The following PPP4R3B variants were observed in gnomAD, a reference collection of about 807,000 sequenced individuals.
The protein encoded by PPP4R3B is serine/threonine-protein phosphatase 4 regulatory subunit 3B.
PPP4R3B carries 52 observed loss-of-function variants against 95.4 expected under a neutral mutation model. The observed-to-expected ratio is 0.54, with a 90% CI of 0.44 to 0.69. The LOEUF is 0.69. PPP4R3B is among the 30% of genes least tolerant of loss of function. The probability of loss-of-function intolerance (pLI) is 0.00; values close to 1 mark genes in which losing one functional copy is unlikely to be tolerated. For missense variants in PPP4R3B, 1,003 were observed against 1,005.9 expected, an observed-to-expected ratio of 1.00 and a Z score of 0.04; for synonymous variants, 407 against 343.9, an observed-to-expected ratio of 1.18 and a Z score of -2.03.
chr2:55,592,423 T>C (rs1030858668), intron 4 of PPP4R3B, among the ~76,000 whole-genome samples: 3 of 152,258 alleles, frequency 2.0e-5, no homozygotes, highest in South Asian at 2.1e-4. Context: ...AAAGCTGGAA[T>C]GGGCCAAATC....
In PPP4R3B at chr2:55,598,670, C is replaced by T. The variant is rs1332928889; in HGVS notation, c.667G>A (p.Val223Met). 3 of 1,614,024 alleles carry T rather than the reference C, an allele frequency of 1.9e-6. No individual in the cohort carries two copies. Among genetic ancestry groups the T allele is most frequent in the Non-Finnish European group, 2.5e-6 (3 of 1,180,040 alleles). The change falls in exon 4 of 17, where the codon GTG (valine) becomes ATG (methionine). Residue 223 changes from valine to methionine, a missense_variant. This residue lies in a region of PPP4R3B where 695 missense variants were observed against 686.2 expected (regional missense o/e 1.01). Coordinates refer to ENST00000616407, the MANE Select transcript of PPP4R3B (RefSeq NM_001122964.3). ...GCAGGGTCATATTCAAGGCATCCCA[C>T]GACATCCATGATACACTCATCAGAA... is the stretch of plus-strand genomic sequence containing the variant. The part of the protein sequence containing the change: ...MFSDECIMDV[V>M]GCLEYDPALA...
intron 2 of PPP4R3B, among the ~76,000 whole-genome samples, chr2:55,612,779 C>A (rs535631799): frequency 1.3e-5 from 2 of 151,950 alleles, no homozygotes; most frequent in Non-Finnish European, 2.9e-5. Flanking sequence ...CCCATCTCTA[C>A]TAAAAAATAC....
intron 4 of PPP4R3B, among the ~76,000 whole-genome samples, chr2:55,595,466 A>C (rs1315692982): frequency 6.6e-6 from 1 of 151,888 alleles, no homozygotes; most frequent in Admixed American, 6.6e-5. Flanking sequence ...TCTCTATATA[A>C]AAAATAAAAT....
chr2:55,591,753 A>G (rs555367353), intron 4 of PPP4R3B: 81 of 691,854 alleles, frequency 1.2e-4, no homozygotes, highest in Non-Finnish European at 1.2e-4. Flanking sequence ...TTAAGAGAAT[A>G]TGTATTCCTA....
intron 12 of PPP4R3B, among the ~76,000 whole-genome samples, chr2:55,571,711 C>T (rs952984686): frequency 2.6e-5 from 4 of 152,176 alleles, no homozygotes; most frequent in Admixed American, 6.5e-5. Context: ...CTGCAACCCC[C>T]GTCTCCCGGG....
intron 4 of PPP4R3B, chr2:55,591,678 G>C: frequency 6.1e-6 from 6 of 983,388 alleles, no homozygotes; most frequent in Non-Finnish European, 7.2e-6. Flanking sequence ...TTCGGTACTT[G>C]TGAGCTGATA....
intron 2 of PPP4R3B, chr2:55,615,117 T>C (rs1156541506): frequency 5.6e-5 from 11 of 196,812 alleles, no homozygotes; most frequent in Non-Finnish European, 4.1e-5. Flanking sequence ...GAGTATCCCT[T>C]TGAATTTTGT....
intron 8 of PPP4R3B, 58 bp downstream of exon 8, chr2:55,581,509 A>ACAAAGC: frequency 6.5e-7 from 1 of 1,528,838 alleles, no homozygotes; most frequent in Non-Finnish European, 8.8e-7. Flanking sequence ...AAATCTTATT[A>ACAAAGC]CAAAGCCACC....
intron 2 of PPP4R3B, among the ~76,000 whole-genome samples, chr2:55,609,926 G>A (rs962573679): frequency 6.6e-6 from 1 of 152,160 alleles, no homozygotes; most frequent in Non-Finnish European, 1.5e-5. Context: ...ACAGAATCTG[G>A]CGTGGGAAAG....
Position 55,588,924 on chromosome 2 carries a change from T to C in PPP4R3B, c.954A>G (p.Ala318=). ...CATCTGTAGCCTCATCTGTTAATTG[T>C]GCAAAAACTTCAGACAAAAACTTCT... ...EDEKFLSEVF[A]QLTDEATDDD... is the part of the protein sequence containing the mutation. Residue 318 remains alanine (A), a synonymous_variant, in exon 5 of 17, where the codon GCA becomes GCG. Transcript: ENST00000616407. 6.2e-7 allele frequency: 1 copy of C among 1,610,318 alleles called. No individual in the cohort carries two copies. The highest frequency in any genetic ancestry group is 8.5e-7 in the Non-Finnish European group (1 of 1,177,920).
rs561651997 is a variant in PPP4R3B, at chr2:55,586,150, A to G, written c.1116+468T>C. 3.3e-5 allele frequency among the ~76,000 whole-genome samples: 5 copies of G among 152,320 alleles called. No homozygotes were observed. The South Asian group carries it at 8.3e-4, about 25-fold the overall frequency. ...AAAATGTGGTGAAAAAAGTTCTATT[A>G]TTTATGTTAACATATAATGGGTTAT... On this transcript the variant is annotated intron_variant, in intron 6 of 16. Coordinates refer to ENST00000616407, the MANE Select transcript of PPP4R3B (RefSeq NM_001122964.3).
At chr2:55,557,083 C>T (rs183656462) in intron 16 of PPP4R3B, among the ~76,000 whole-genome samples, 2 of 152,096 alleles carry the variant, frequency 1.3e-5, no homozygotes, top group Admixed American at 1.3e-4. Flanking sequence ...ACGACGACGA[C>T]GAAGCAGGAA....
chr2:55,598,162 G>T (rs1194999390), intron 4 of PPP4R3B, among the ~76,000 whole-genome samples: 6 of 152,326 alleles, frequency 3.9e-5, no homozygotes, highest in Admixed American at 2.6e-4. Context: ...GTAGGTTGCA[G>T]TGAGCTGAGA....
Position 55,614,979 on chromosome 2 carries a change from A to T in PPP4R3B, c.198+472T>A, listed in dbSNP as rs544741619. On this transcript the variant is annotated intron_variant, in intron 2 of 16. Coordinates refer to ENST00000616407, the MANE Select transcript of PPP4R3B (RefSeq NM_001122964.3). Reference sequence around the variant, plus strand: ...TAATGTACATTTTTATAAAGTATCCATTGATTACTATATTAAAAATACACA... The same window carrying T: ...TAATGTACATTTTTATAAAGTATCCTTTGATTACTATATTAAAAATACACA... The T allele has an allele frequency of 2.0e-5, 3 of 152,864 alleles. No individual in the cohort carries two copies. In the East Asian group the frequency reaches 5.8e-4, roughly 29 times the overall value. The allele number at this position is 152,864 out of a possible 1,614,324, so 9.5% of individuals were successfully genotyped here.
intron 13 of PPP4R3B, among the ~76,000 whole-genome samples, chr2:55,566,052 T>G (rs1022058323): frequency 6.6e-6 from 1 of 151,992 alleles, no homozygotes; most frequent in Admixed American, 6.6e-5. Flanking sequence ...TCACTGCAAA[T>G]GCATGCATGC....
At chr2:55,611,524 G>A (rs552869281) in intron 2 of PPP4R3B, among the ~76,000 whole-genome samples, 2 of 152,190 alleles carry the variant, frequency 1.3e-5, no homozygotes, top group Non-Finnish European at 2.9e-5. Flanking sequence ...TGCACAGTAA[G>A]GAAGAAAGTG....
At chr2:55,566,235 A>C (rs1270819935) in intron 13 of PPP4R3B, among the ~76,000 whole-genome samples, 2 of 152,246 alleles carry the variant, frequency 1.3e-5, no homozygotes, top group East Asian at 3.8e-4. Context: ...ATTGAAAAAA[A>C]ATACGCAAAT....
rs376182737 is a variant in PPP4R3B at position 55,565,068 on chromosome 2, AAATAT to A, written c.1936-32_1936-28del. 62 of 1,512,376 alleles carry A rather than the reference AAATAT, an allele frequency of 4.1e-5. No individual in the cohort carries two copies. The East Asian group carries it at 1.3e-3, about 31-fold the overall frequency. The allele number at this position is 1,512,376 out of a possible 1,614,324, so 93.7% of individuals were successfully genotyped here. A position where few individuals can be genotyped will look rare whatever the true frequency, so the allele number is the denominator to read the frequency against. Reference sequence around the variant, plus strand: ...TGTATAAGCACAAAATTTACATTTAAAATATAATACAATGCTTGTTAGAAGAAAAA... The same window carrying A: ...TGTATAAGCACAAAATTTACATTTAAAATACAATGCTTGTTAGAAGAAAAA... On this transcript the variant is annotated intron_variant, in intron 13 of 16. Transcript: ENST00000616407.
At chr2:55,591,750 A>G (rs1691056018) in intron 4 of PPP4R3B, 1 of 709,706 alleles carries the variant, frequency 1.4e-6, no homozygotes, top group Admixed American at 6.3e-5. Flanking sequence ...CCATTAAGAG[A>G]ATATGTATTC....
Sources: allele counts gnomAD v4.1 joint callset (sites outside exome capture counted in the v4.1 genomes callset), GRCh38; gene constraint gnomAD v4.1.1; regional missense constraint gnomAD v4.1.1; transcripts MANE v1.5; gene names NCBI Gene and HGNC (gene_info 2026-07-23, HGNC 2026-07-21).